The following STAU2 variants were observed in gnomAD, a reference collection of about 807,000 sequenced individuals.
The protein encoded by STAU2 is staufen double-stranded RNA binding protein 2, also known as double-stranded RNA-binding protein Staufen homolog 2.
STAU2 carries 20 observed loss-of-function variants against 65.9 expected under a neutral mutation model. The ratio of observed to expected loss-of-function variants is 0.30; its 90% CI spans 0.21 to 0.44. STAU2 has a LOEUF of 0.44. Ranked by LOEUF, STAU2 falls within the 20% of genes least tolerant of loss-of-function variation. STAU2 has a pLI of 1.00. For missense variants in STAU2, 558 were observed against 683.9 expected (o/e 0.82, Z 2.05); for synonymous variants, 232 against 233.9 (o/e 0.99, Z 0.07).
At position 73,584,288 on chromosome 8, in the gene STAU2, AC is replaced by A. The variant is rs767838541; in HGVS notation, c.1162-1459del. Reference sequence around the variant, plus strand: ...ACCATCCTGAGAGATTGCTGCTATAACCTTTGACTGCAAAATGCTAACACAG... The same window carrying A: ...ACCATCCTGAGAGATTGCTGCTATAACTTTGACTGCAAAATGCTAACACAG... On this transcript the variant is annotated intron_variant, in intron 11 of 14. Coordinates refer to ENST00000524300, the MANE Select transcript of STAU2 (RefSeq NM_001164380.2). 9.9e-4 allele frequency among the ~76,000 whole-genome samples: 151 copies of A among 152,304 alleles called. 2 individuals are homozygous for A. Among genetic ancestry groups the A allele is most frequent in the Admixed American group, 5.9e-4 (9 of 15,310 alleles).
At chr8:73,636,338 C>T (rs1814511590) in intron 6 of STAU2, among the ~76,000 whole-genome samples, 1 of 151,736 alleles carries the variant, frequency 6.6e-6, no homozygotes, top group African/African-American at 2.4e-5. Flanking sequence ...GATTGCACCA[C>T]TGCACTCCAG....
At chr8:73,695,353 C>A (rs533562898) in intron 4 of STAU2, among the ~76,000 whole-genome samples, 1 of 143,950 alleles carries the variant, frequency 6.9e-6, no homozygotes, top group Non-Finnish European at 1.5e-5. Context: ...TTTGTAGACA[C>A]ACCCTGGGCC....
chr8:73,716,485 C>G lies in STAU2; in HGVS notation c.-17-7323G>C, dbSNP rs183309593. On this transcript the variant is annotated intron_variant, in intron 3 of 14. Transcript: ENST00000524300. The stretch of plus-strand genomic sequence containing the variant: ...CTGATTTAAAGCAGGCCATGTTGTG[C>G]CTCCATCTCCAACTTTTCCAGTGAA... Among the ~76,000 whole-genome samples, 29 of 152,292 alleles carry G rather than the reference C, an allele frequency of 1.9e-4. No homozygotes were observed. In the East Asian group the frequency reaches 5.2e-3, roughly 27 times the overall value.
At chr8:73,585,039 C>T (rs181661178) in intron 11 of STAU2, among the ~76,000 whole-genome samples, 67 of 152,268 alleles carry the variant, frequency 4.4e-4, no homozygotes, top group African/African-American at 1.4e-3. Context: ...GAAATAATTA[C>T]GTTTCCAGAA....
chr8:73,738,948 T>C (rs948495926), intron 2 of STAU2, among the ~76,000 whole-genome samples: 1 of 152,144 alleles, frequency 6.6e-6, no homozygotes, highest in Non-Finnish European at 1.5e-5. Flanking sequence ...AAATAGTATG[T>C]ATATTAAAAT....
intron 11 of STAU2, among the ~76,000 whole-genome samples, chr8:73,594,294 AAAC>A (rs1282448969): frequency 2.6e-5 from 4 of 152,242 alleles, no homozygotes; most frequent in Admixed American, 2.6e-4. Flanking sequence ...ATTGCCTAGA[AAAC>A]AAAAAAGTAC....
intron 6 of STAU2, among the ~76,000 whole-genome samples, chr8:73,618,510 G>T (rs771606562): frequency 6.6e-5 from 10 of 152,196 alleles, no homozygotes; most frequent in Non-Finnish European, 1.0e-4. Context: ...TAGGGAGACA[G>T]GAAAAGCTAG....
intron 13 of STAU2, among the ~76,000 whole-genome samples, chr8:73,530,826 G>T (rs1805761501): frequency 7.1e-6 from 1 of 140,102 alleles, no homozygotes; most frequent in African/African-American, 2.5e-5. Context: ...AAGCCAAGGG[G>T]CTACTCAGGC....
intron 3 of STAU2, among the ~76,000 whole-genome samples, chr8:73,727,241 T>C (rs371067321): frequency 1.3e-5 from 2 of 151,950 alleles, no homozygotes; most frequent in South Asian, 4.2e-4. Context: ...AAAAAATAAA[T>C]AAATAAAAAA....
Position 73,664,431 on chromosome 8 carries a change from G to T in STAU2, c.410+8676C>A, listed in dbSNP as rs182358169. 3.0e-4 allele frequency among the ~76,000 whole-genome samples: 45 copies of T among 152,266 alleles called. 1 individual carries two copies. The highest frequency in any genetic ancestry group is 5.9e-4 in the Non-Finnish European group (40 of 68,014). On this transcript the variant is annotated intron_variant, in intron 6 of 14. Transcript: ENST00000524300. ...TAAAGCATAATGTTATCTGGAGGTTGTTTGAAGAAGCCCTTTATCAGATTA... is the reference window on the plus strand; with the variant it reads ...TAAAGCATAATGTTATCTGGAGGTTTTTTGAAGAAGCCCTTTATCAGATTA...
At chr8:73,687,774 C>A (rs1173372564) in intron 5 of STAU2, among the ~76,000 whole-genome samples, 1 of 151,692 alleles carries the variant, frequency 6.6e-6, no homozygotes. Flanking sequence ...TGCAGTGGCA[C>A]GATCTTGGCT....
At chr8:73,607,618 T>A (rs992022245) in intron 9 of STAU2, among the ~76,000 whole-genome samples, 8 of 151,122 alleles carry the variant, frequency 5.3e-5, no homozygotes, top group African/African-American at 1.9e-4. Flanking sequence ...ATGTCTGTAA[T>A]CCCAGCTACT....
At chr8:73,562,202 G>A (rs1005217317) in intron 12 of STAU2, among the ~76,000 whole-genome samples, 3 of 152,200 alleles carry the variant, frequency 2.0e-5, no homozygotes, top group African/African-American at 4.8e-5. Context: ...AAGAAAAGAT[G>A]GAGGTCAGTG....
chr8:73,736,423 G>C (rs190170686), intron 3 of STAU2, among the ~76,000 whole-genome samples: 13 of 152,284 alleles, frequency 8.5e-5, no homozygotes, highest in African/African-American at 2.9e-4. Flanking sequence ...TAACAAGGGA[G>C]ACAGATGTTA....
intron 10 of STAU2, among the ~76,000 whole-genome samples, chr8:73,597,277 AAAG>A (rs961311704): frequency 5.3e-5 from 8 of 152,138 alleles, no homozygotes; most frequent in South Asian, 2.1e-4. Flanking sequence ...TTAAAAAAGA[AAAG>A]AAGAAGAGAA....
intron 13 of STAU2, among the ~76,000 whole-genome samples, chr8:73,448,570 A>G (rs1818608455): frequency 6.6e-6 from 1 of 152,078 alleles, no homozygotes; most frequent in South Asian, 2.1e-4. Context: ...GGCATTAGCC[A>G]CCACGCCCGG....
At chr8:73,605,521 C>T (rs1811947950) in intron 9 of STAU2, among the ~76,000 whole-genome samples, 1 of 151,908 alleles carries the variant, frequency 6.6e-6, no homozygotes, top group East Asian at 1.9e-4. Flanking sequence ...GTTGGCCAGG[C>T]TGGTCTCAAA....
At chr8:73,520,306 A>C (rs1822973347) in intron 13 of STAU2, among the ~76,000 whole-genome samples, 1 of 152,268 alleles carries the variant, frequency 6.6e-6, no homozygotes, top group Non-Finnish European at 1.5e-5. Context: ...AATAAAATAC[A>C]TACCAGATTT....
intron 3 of STAU2, among the ~76,000 whole-genome samples, chr8:73,734,519 G>A (rs1035796718): frequency 3.0e-4 from 45 of 152,104 alleles, no homozygotes; most frequent in African/African-American, 9.9e-4. Flanking sequence ...ATGTAGGCCG[G>A]GCACGGTGGC....
Sources: allele counts gnomAD v4.1 joint callset (sites outside exome capture counted in the v4.1 genomes callset), GRCh38; gene constraint gnomAD v4.1.1; transcripts MANE v1.5; gene names NCBI Gene and HGNC (gene_info 2026-07-23, HGNC 2026-07-21).